LHX4: variants seen among roughly 807,000 people sequenced by gnomAD.
The protein encoded by LHX4 is LIM homeobox 4, also known as LIM/homeobox protein Lhx4.
LHX4 carries 16 observed loss-of-function variants against 39.2 expected under a neutral mutation model. The ratio of observed to expected loss-of-function variants is 0.41; its 90% CI spans 0.28 to 0.62. The LOEUF is 0.62. Ranked by LOEUF, LHX4 falls within the 20% of genes least tolerant of loss-of-function variation. The pLI, the probability that LHX4 is intolerant of heterozygous loss-of-function variation, is 0.33. For synonymous variants in LHX4, 206 were observed against 198.1 expected (o/e 1.04, Z -0.33); for missense variants, 439 against 511.9 (o/e 0.86, Z 1.37).
intron 1 of LHX4, among the ~76,000 whole-genome samples, chr1:180,243,748 T>G (rs1311912973): frequency 6.6e-6 from 1 of 152,136 alleles, no homozygotes; most frequent in African/African-American, 2.4e-5. Context: ...GCACACTAGA[T>G]GCCTGTGTCA....
At chr1:180,260,669 TG>T (rs970283274) in intron 2 of LHX4, among the ~76,000 whole-genome samples, 7 of 151,658 alleles carry the variant, frequency 4.6e-5, no homozygotes, top group African/African-American at 1.7e-4. Context: ...TTACATGTGT[TG>T]GGGTTAACAC....
chr1:180,247,745 A>G (rs546191536), intron 1 of LHX4, among the ~76,000 whole-genome samples: 46 of 152,308 alleles, frequency 3.0e-4, no homozygotes, highest in African/African-American at 1.1e-3. Flanking sequence ...TTTCTCTACA[A>G]GAGCACACTC....
chr1:180,256,409 C>T (rs1330375208), intron 2 of LHX4, among the ~76,000 whole-genome samples: 4 of 152,318 alleles, frequency 2.6e-5, no homozygotes, highest in Non-Finnish European at 5.9e-5. Flanking sequence ...AAGCCCCACT[C>T]TGAGAAGCCA....
chr1:180,231,556 G>T (rs1222061485), intron 1 of LHX4, among the ~76,000 whole-genome samples: 3 of 35,510 alleles, frequency 8.4e-5, no homozygotes, highest in Non-Finnish European at 1.5e-4. Flanking sequence ...CCCAGTCGTC[G>T]CGCGCGCGCG....
At chr1:180,247,569 A>C (rs1021710622) in intron 1 of LHX4, among the ~76,000 whole-genome samples, 2 of 152,188 alleles carry the variant, frequency 1.3e-5, no homozygotes, top group Admixed American at 1.3e-4. Flanking sequence ...GTCTTTCCCA[A>C]GAGCATTTGA....
rs1247252068 is a variant in LHX4, at chr1:180,266,800, G to T, written c.451+206G>T. On this transcript the variant is annotated intron_variant, in intron 3 of 5. Coordinates refer to ENST00000263726, the MANE Select transcript of LHX4 (RefSeq NM_033343.4). The surrounding 1 kb of genome is among the most constrained non-coding windows in gnomAD (Gnocchi z 5.7). ...GGCCGTTAGCACTCGCCGGCTTCAT[G>T]GAAGTGTTCATCCAGCCATGGTTCC... Among the ~76,000 whole-genome samples, 1 of 152,334 alleles carries T rather than the reference G, an allele frequency of 6.6e-6. No homozygotes were observed. The highest frequency in any genetic ancestry group is 1.9e-4 in the East Asian group (1 of 5,190).
At chr1:180,236,070 G>C (rs779600062) in intron 1 of LHX4, among the ~76,000 whole-genome samples, 1 of 152,124 alleles carries the variant, frequency 6.6e-6, no homozygotes, top group African/African-American at 2.4e-5. Flanking sequence ...AAAAACAAAG[G>C]GGGGTTAAGG....
chr1:180,275,945 C>CGACA lies in LHX4; in HGVS notation c.*1370_*1373dup, dbSNP rs1283779065. On this transcript the variant is annotated 3_prime_UTR_variant, in exon 6 of 6. Transcript: ENST00000263726. ...CCCGCTTTACGAGTTGCCACTCCTGCGACAGACTGCACTGCTGTGGGAAAC... is the reference window on the plus strand; with the variant it reads ...CCCGCTTTACGAGTTGCCACTCCTGCGACAGACAGACTGCACTGCTGTGGGAAAC... 4 of 152,286 alleles carry CGACA rather than the reference C, an allele frequency of 2.6e-5. No homozygotes were observed. Among genetic ancestry groups the CGACA allele is most frequent in the Admixed American group, 6.5e-5 (1 of 15,280 alleles). The allele number at this position is 152,286 out of a possible 1,614,324, so 9.4% of individuals were successfully genotyped here. A position where few individuals can be genotyped will look rare whatever the true frequency, so the allele number is the denominator to read the frequency against.
Position 180,260,136 on chromosome 1 carries a change from C to T in LHX4, c.249-6256C>T, listed in dbSNP as rs1419581505. Among the ~76,000 whole-genome samples the T allele has an allele frequency of 4.0e-5, 6 of 151,474 alleles. No homozygotes were observed. In the East Asian group the frequency reaches 5.8e-4, roughly 15 times the overall value. ...GGCAGTGCAGCCACGGGGTGAGTGC[C>T]GGGGCATTGGGCTGAGGGCTGGAGG... On this transcript the variant is annotated intron_variant, in intron 2 of 5. Coordinates refer to ENST00000263726, the MANE Select transcript of LHX4 (RefSeq NM_033343.4).
chr1:180,255,755 A>C (rs1334785378), intron 2 of LHX4, among the ~76,000 whole-genome samples: 3 of 152,250 alleles, frequency 2.0e-5, no homozygotes, highest in Non-Finnish European at 2.9e-5. Flanking sequence ...CGTGCAGTTC[A>C]GCTGCAGTCG....
At chr1:180,255,943 A>G (rs1030576495) in intron 2 of LHX4, among the ~76,000 whole-genome samples, 3 of 152,342 alleles carry the variant, frequency 2.0e-5, no homozygotes, top group African/African-American at 7.2e-5. Context: ...GATCTGGGTG[A>G]CATGGGAGTG....
upstream of LHX4, among the ~76,000 whole-genome samples, chr1:180,229,938 G>GGGCGGGGGCGGA (rs1664126217): frequency 9.8e-6 from 1 of 101,956 alleles, no homozygotes; most frequent in Non-Finnish European, 1.8e-5. Context: ...CGCCACGGCT[G>GGGCGGGGGCGGA]GGCGGAGGCG....
intron 1 of LHX4, among the ~76,000 whole-genome samples, chr1:180,233,500 C>T (rs546701131): frequency 6.6e-6 from 1 of 152,344 alleles, no homozygotes; most frequent in African/African-American, 2.4e-5. Context: ...GGTACGGGTA[C>T]GGCGAGAGCC....
rs786204780 is a variant in LHX4 at position 180,271,378 on chromosome 1, A to G, written c.452-2A>G. ...CCAGTAAGCAGTGGTTTTTCCTTGC[A>G]GATGACTCAGAGGCTGGAGCTAAGC... On this transcript the variant is annotated splice_acceptor_variant, in intron 3 of 5. Coordinates refer to ENST00000263726, the MANE Select transcript of LHX4 (RefSeq NM_033343.4). LOFTEE classifies it high-confidence loss of function. The G allele has an allele frequency of 1.9e-6, 3 of 1,614,230 alleles. No individual in the cohort carries two copies. Among genetic ancestry groups the G allele is most frequent in the Non-Finnish European group, 2.5e-6 (3 of 1,180,046 alleles).
chr1:180,264,378 AACAC>A (rs10561933), intron 2 of LHX4, among the ~76,000 whole-genome samples: 24,590 of 145,008 alleles, frequency 0.17, 2,191 homozygotes, highest in African/African-American at 0.25. Context: ...ACACACACAT[AACAC>A]ACACACACAC....
At chr1:180,247,305 A>G (rs12070757) in intron 1 of LHX4, among the ~76,000 whole-genome samples, 45,423 of 152,078 alleles carry the variant, frequency 0.3, 7,141 homozygotes, top group South Asian at 0.48. Flanking sequence ...GTTGCAGACA[A>G]TAGAGTCTTC....
chr1:180,244,178 T>G (rs1048823964), intron 1 of LHX4, among the ~76,000 whole-genome samples: 5 of 152,362 alleles, frequency 3.3e-5, no homozygotes, highest in Non-Finnish European at 5.9e-5. Context: ...ATTACTGTGA[T>G]TGGTATATTG....
intron 4 of LHX4, 49 bp from the exon 5 acceptor site, chr1:180,271,786 G>C (rs751133915): frequency 6.2e-7 from 1 of 1,605,482 alleles, no homozygotes; most frequent in East Asian, 2.2e-5. Context: ...GGGGGCTTTG[G>C]GTTTGTGGTG....
rs139984588 is a variant in LHX4 at position 180,276,351 on chromosome 1, A to T, written c.*1772A>T. The T allele has an allele frequency of 9.4e-5, 11 of 117,170 alleles. No individual in the cohort carries two copies. The highest frequency in any genetic ancestry group is 3.1e-4 in the African/African-American group (10 of 32,046). 7.3% of individuals were successfully genotyped at this position (117,170 alleles called of 1,614,324 possible). On this transcript the variant is annotated 3_prime_UTR_variant, in exon 6 of 6. Transcript: ENST00000263726. ...AGGACTAAACTAAGTTCAATTAAGT[A>T]AGTTCTTTAAAACAGTAAATTCCGG... is the stretch of plus-strand genomic sequence containing the variant.
Sources: allele counts gnomAD v4.1 joint callset (sites outside exome capture counted in the v4.1 genomes callset), GRCh38; gene constraint gnomAD v4.1.1; non-coding constraint Gnocchi (gnomAD v3.1); transcripts MANE v1.5; gene names NCBI Gene and HGNC (gene_info 2026-07-23, HGNC 2026-07-21).